RBFOX1: variants seen among roughly 807,000 people sequenced by gnomAD.
RBFOX1 encodes the protein RNA binding fox-1 homolog 1.
Under a neutral mutation model 57.7 loss-of-function variants are expected in RBFOX1, and 8 were observed. The ratio of observed to expected loss-of-function variants is 0.14; its 90% CI spans 0.08 to 0.25. The LOEUF is 0.25. Among genes scored for constraint, RBFOX1 ranks in the 10% least tolerant of loss-of-function variants. The probability of loss-of-function intolerance (pLI) is 1.00; values close to 1 mark genes in which losing one functional copy is unlikely to be tolerated. For missense variants in RBFOX1, 611 were observed against 548.5 expected (o/e 1.11, Z -1.14); for synonymous variants, 326 against 222.4 (o/e 1.47, Z -4.15).
chr16:6,692,491 C>G (rs78949192), intron 3 of RBFOX1, among the ~76,000 whole-genome samples: 1,636 of 152,238 alleles, frequency 0.011, 19 homozygotes, highest in Non-Finnish European at 0.018. Context: ...ACCCTGTGGC[C>G]TAACAAAGAA....
chr16:6,504,770 G>C (rs1431570577), intron 2 of RBFOX1, among the ~76,000 whole-genome samples: 1 of 152,078 alleles, frequency 6.6e-6, no homozygotes, highest in South Asian at 2.1e-4. Context: ...AAAAAACAAA[G>C]TCTGGCCAGG....
At chr16:6,723,411 G>C (rs1280939102) in intron 3 of RBFOX1, among the ~76,000 whole-genome samples, 1 of 152,150 alleles carries the variant, frequency 6.6e-6, no homozygotes, top group African/African-American at 2.4e-5. Context: ...TACCACTATG[G>C]AGTTATCTCA....
At position 7,656,227 on chromosome 16, in the gene RBFOX1, G is replaced by A. The variant is rs111541539; in HGVS notation, c.890+2280G>A. The stretch of plus-strand genomic sequence containing the variant: ...CAATAACCTATTAGAGCAAGGTACT[G>A]GTCAAAAAGAAGGAAATTCGTCTTG... On this transcript the variant is annotated intron_variant, in intron 12 of 15. Transcript: ENST00000550418. Among the ~76,000 whole-genome samples the A allele has an allele frequency of 4.0e-3, 611 of 152,248 alleles. 5 individuals carry two copies. Among genetic ancestry groups the A allele is most frequent in the African/African-American group, 0.014 (584 of 41,546 alleles).
At chr16:7,557,915 A>C (rs187749792) in intron 5 of RBFOX1, among the ~76,000 whole-genome samples, 1 of 152,174 alleles carries the variant, frequency 6.6e-6, no homozygotes, top group Non-Finnish European at 1.5e-5. Context: ...TTAGGAAAAA[A>C]TATGCAGAAG....
intron 5 of RBFOX1, among the ~76,000 whole-genome samples, chr16:7,566,727 C>A (rs1404415676): frequency 6.6e-6 from 1 of 152,146 alleles, no homozygotes; most frequent in Non-Finnish European, 1.5e-5. Flanking sequence ...TGGCATTCAG[C>A]ATCAGTGATA....
intron 3 of RBFOX1, among the ~76,000 whole-genome samples, chr16:6,847,556 AGT>A (rs1603631846): frequency 1.3e-5 from 2 of 152,144 alleles, no homozygotes; most frequent in East Asian, 3.9e-4. Context: ...GGTGTAGGGA[AGT>A]GTGGTCCATG....
At chr16:6,333,556 T>C (rs1208315978) in intron 2 of RBFOX1, among the ~76,000 whole-genome samples, 1 of 152,212 alleles carries the variant, frequency 6.6e-6, no homozygotes, top group Non-Finnish European at 1.5e-5. Context: ...CTTTTCATCC[T>C]TGATTTTTCA....
intron 4 of RBFOX1, among the ~76,000 whole-genome samples, chr16:5,962,671 C>G (rs1467906871): frequency 6.6e-6 from 1 of 152,000 alleles, no homozygotes; most frequent in Non-Finnish European, 1.5e-5. Flanking sequence ...GCTAACAGAT[C>G]GTAGAAGGTG....
chr16:6,349,009 C>G (rs1166282425), intron 2 of RBFOX1, among the ~76,000 whole-genome samples: 1 of 152,150 alleles, frequency 6.6e-6, no homozygotes, highest in Non-Finnish European at 1.5e-5. Context: ...AGATTTGATT[C>G]CTGATTTTAT....
rs764802416 is a variant in RBFOX1 at position 6,800,936 on chromosome 16, CT to C, written c.-16+146287del. 4.6e-5 allele frequency among the ~76,000 whole-genome samples: 7 copies of C among 152,074 alleles called. No homozygotes were observed. In the East Asian group the frequency reaches 9.7e-4, roughly 21 times the overall value. The stretch of plus-strand genomic sequence containing the variant: ...AACTAGTTTGCTATCCGTCTTGCCC[CT>C]GTTTGAGTATCTCTCAAGGGTATCT... On this transcript the variant is annotated intron_variant, in intron 3 of 15. Coordinates refer to ENST00000550418, the MANE Select transcript of RBFOX1 (RefSeq NM_018723.4).
intron 2 of RBFOX1, among the ~76,000 whole-genome samples, chr16:6,645,031 C>T (rs11859371): frequency 0.044 from 6,666 of 152,226 alleles, 172 homozygotes; most frequent in Non-Finnish European, 0.048. Context: ...AAAGTGTGAG[C>T]AGGACGGCTC....
chr16:5,349,628 T>C (rs891536278), intron 1 of RBFOX1, among the ~76,000 whole-genome samples: 1 of 151,542 alleles, frequency 6.6e-6, no homozygotes, highest in Admixed American at 6.6e-5. Context: ...AGCCAGACCA[T>C]GCCATTGCAC....
chr16:7,623,625 C>T (rs148022734), intron 10 of RBFOX1, among the ~76,000 whole-genome samples: 18 of 152,298 alleles, frequency 1.2e-4, no homozygotes, highest in African/African-American at 4.3e-4. Context: ...GCTTTGCTCG[C>T]TCACCTGCAG....
chr16:6,272,769 G>A (rs78429967), intron 1 of RBFOX1, among the ~76,000 whole-genome samples: 2,238 of 152,196 alleles, frequency 0.015, 45 homozygotes, highest in East Asian at 0.046. Flanking sequence ...ATAGAACCCA[G>A]AAATAGACCT....
Position 7,518,367 on chromosome 16 carries a change from A to C in RBFOX1, c.248A>C (p.Gln83Pro). 1 of 1,611,482 alleles carries C rather than the reference A, an allele frequency of 6.2e-7. No individual in the cohort carries two copies. Among genetic ancestry groups the C allele is most frequent in the Non-Finnish European group, 8.5e-7 (1 of 1,178,196 alleles). Residue 83 changes from glutamine (Q) to proline (P), a missense_variant, in exon 5 of 16, where the codon CAG (glutamine) becomes CCG (proline). Physicochemically the swap from Gln to Pro is moderately conservative, Grantham distance 76 (BLOSUM62 -1). Around this residue, in one of 3 missense-constraint regions of RBFOX1, gnomAD observed 245 missense variants for 159.1 expected, o/e 1.54. Transcript: ENST00000550418. The part of the protein sequence containing the change: ...SEQSPADTSA[Q>P]TVSGTATQTD... The stretch of plus-strand genomic sequence containing the variant: ...CAGAGCCCGGCGGACACGAGCGCTC[A>C]GACCGTCTCTGGCACCGCCACAGTA...
At chr16:5,591,291 A>G (rs954457573) in intron 2 of RBFOX1, among the ~76,000 whole-genome samples, 7 of 134,158 alleles carry the variant, frequency 5.2e-5, no homozygotes, top group African/African-American at 1.9e-4. Flanking sequence ...CTCTTTTGTT[A>G]CCCAGGCTGG....
At chr16:6,672,268 A>C (rs1292918570) in intron 3 of RBFOX1, among the ~76,000 whole-genome samples, 2 of 152,092 alleles carry the variant, frequency 1.3e-5, no homozygotes, top group Admixed American at 6.6e-5. Flanking sequence ...TCCATTGGAG[A>C]AATATACATC....
At chr16:7,553,850 C>G (rs1438422888) in intron 5 of RBFOX1, among the ~76,000 whole-genome samples, 1 of 152,194 alleles carries the variant, frequency 6.6e-6, no homozygotes, top group African/African-American at 2.4e-5. Context: ...GACATTTAAC[C>G]TCAGCTAAGT....
At chr16:6,935,324 T>G (rs563325482) in intron 3 of RBFOX1, among the ~76,000 whole-genome samples, 12 of 152,090 alleles carry the variant, frequency 7.9e-5, no homozygotes, top group African/African-American at 2.4e-4. Flanking sequence ...TTTGATAGTT[T>G]CCCTTCATAA....
Sources: allele counts gnomAD v4.1 joint callset (sites outside exome capture counted in the v4.1 genomes callset), GRCh38; gene constraint gnomAD v4.1.1; regional missense constraint gnomAD v4.1.1; transcripts MANE v1.5; gene names NCBI Gene and HGNC (gene_info 2026-07-23, HGNC 2026-07-21).